The following TBC1D1 variants were observed in gnomAD, a reference collection of about 807,000 sequenced individuals.
TBC1D1 encodes the protein TBC1 domain family member 1.
A neutral mutation model predicts 125.6 loss-of-function variants in TBC1D1; 89 were observed. The observed-to-expected ratio is 0.71, with a 90% CI of 0.60 to 0.85. TBC1D1 has a LOEUF of 0.85. Ranked by LOEUF, TBC1D1 falls within the 40% of genes least tolerant of loss-of-function variation. The pLI, the probability that TBC1D1 is intolerant of heterozygous loss-of-function variation, is 0.00. For missense variants in TBC1D1, 1,377 were observed against 1,469.2 expected (o/e 0.94, Z 1.03); for synonymous variants, 565 against 564.1 (o/e 1.00, Z -0.02).
intron 14 of TBC1D1, among the ~76,000 whole-genome samples, chr4:38,101,084 G>A (rs556300416): frequency 1.3e-5 from 2 of 152,300 alleles, no homozygotes; most frequent in South Asian, 4.1e-4. Context: ...TATGGTATGG[G>A]CCAATACACA....
In TBC1D1 at chr4:38,101,822, C is replaced by T. The variant is rs1277396309; in HGVS notation, c.2399-1177C>T. On this transcript the variant is annotated intron_variant, in intron 14 of 19. Coordinates refer to ENST00000261439, the MANE Select transcript of TBC1D1 (RefSeq NM_015173.4). ...ACAATAACCCTTCCAGCCTTCTTGC[C>T]AGCTGCTCTCTTCCACATGCACCCT... 3.9e-5 allele frequency among the ~76,000 whole-genome samples: 6 copies of T among 152,282 alleles called. 1 individual carries two copies. The highest frequency in any genetic ancestry group is 1.4e-4 in the African/African-American group (6 of 41,556).
intron 6 of TBC1D1, among the ~76,000 whole-genome samples, chr4:38,026,026 T>C (rs1339484628): frequency 6.6e-6 from 1 of 151,932 alleles, no homozygotes; most frequent in East Asian, 1.9e-4. Flanking sequence ...CTGATGACCT[T>C]GGACAAAATA....
rs1234086858 is a variant in TBC1D1 at position 38,049,821 on chromosome 4, C to T, written c.1833C>T (p.Ala611=). 4 of 1,613,986 alleles carry T rather than the reference C, an allele frequency of 2.5e-6. No homozygotes were observed. Among genetic ancestry groups the T allele is most frequent in the Non-Finnish European group, 3.4e-6 (4 of 1,180,034 alleles). The change falls in exon 11 of 20, where the codon GCC becomes GCT. Residue 611 remains alanine, a synonymous_variant. Transcript: ENST00000261439. ...AATGCCAGGAACCTCCACAACCTGC[C>T]CGGGGGTCCCCGGGGGTTTCGCAAA... is the stretch of plus-strand genomic sequence containing the variant.
chr4:38,110,937 A>C (rs1257210799), intron 15 of TBC1D1, among the ~76,000 whole-genome samples: 1 of 152,228 alleles, frequency 6.6e-6, no homozygotes, highest in Non-Finnish European at 1.5e-5. Flanking sequence ...TCAATCTAGA[A>C]TCTGTTCACA....
Position 38,002,272 on chromosome 4 carries a change from GAAA to G in TBC1D1, c.418-12233_418-12231del, listed in dbSNP as rs574869539. 1.4e-4 allele frequency among the ~76,000 whole-genome samples: 22 copies of G among 152,212 alleles called. No homozygotes were observed. In the East Asian group the frequency reaches 4.2e-3, roughly 29 times the overall value. ...TTAAACTACATTCTCTGTAGGCTTT[GAAA>G]AAATATACTAAGCAGTTCCCATCCA... On this transcript the variant is annotated intron_variant, in intron 2 of 19. Coordinates refer to ENST00000261439, the MANE Select transcript of TBC1D1 (RefSeq NM_015173.4).
intron 2 of TBC1D1, among the ~76,000 whole-genome samples, chr4:37,984,934 C>G (rs1009218416): frequency 2.0e-5 from 3 of 151,738 alleles, no homozygotes; most frequent in Admixed American, 6.6e-5. Context: ...ATAGGAAGAC[C>G]TTTATTTGGT....
chr4:37,936,486 A>G (rs564209398), intron 2 of TBC1D1, among the ~76,000 whole-genome samples: 1 of 152,136 alleles, frequency 6.6e-6, no homozygotes, highest in African/African-American at 2.4e-5. Context: ...CTGTATCTCC[A>G]CCTCCTAGCA....
At chr4:37,944,662 C>T (rs1726285976) in intron 2 of TBC1D1, among the ~76,000 whole-genome samples, 2 of 152,164 alleles carry the variant, frequency 1.3e-5, no homozygotes, top group Admixed American at 1.3e-4. Context: ...TCCTGGTGTG[C>T]CGTTTGCTAA....
chr4:38,131,823 T>C (rs1254054017), intron 18 of TBC1D1, among the ~76,000 whole-genome samples: 1 of 152,212 alleles, frequency 6.6e-6, no homozygotes, highest in Non-Finnish European at 1.5e-5. Context: ...CTCTCCCTCT[T>C]ACTCCCCTCG....
chr4:37,941,364 GTGATATCCCCTCTATCAT>G (rs775495099), intron 2 of TBC1D1, among the ~76,000 whole-genome samples: 75 of 152,212 alleles, frequency 4.9e-4, no homozygotes, highest in Non-Finnish European at 9.1e-4. Flanking sequence ...GGGATCGGTG[GTGATATCCCCTCTATCAT>G]TTTTTATTGC....
intron 12 of TBC1D1, 40 bp downstream of exon 14, chr4:38,054,378 G>A (rs1464878047): frequency 1.2e-6 from 2 of 1,610,778 alleles, no homozygotes; most frequent in Non-Finnish European, 1.7e-6. Context: ...AAGAGAGCAC[G>A]CTGACAGAGG....
intron 9 of TBC1D1, among the ~76,000 whole-genome samples, chr4:38,044,726 G>T (rs1749070243): frequency 6.6e-6 from 1 of 151,386 alleles, no homozygotes; most frequent in African/African-American, 2.4e-5. Context: ...GGATTTTTTT[G>T]CCGCTCCAAA....
intron 15 of TBC1D1, among the ~76,000 whole-genome samples, chr4:38,114,404 A>C (rs1327934039): frequency 6.6e-6 from 1 of 152,210 alleles, no homozygotes; most frequent in African/African-American, 2.4e-5. Flanking sequence ...GACTGATGAA[A>C]TTCTTTTTCA....
Position 38,014,385 on chromosome 4 carries a change from G to T in TBC1D1, c.418-124G>T, listed in dbSNP as rs1742166142. On this transcript the variant is annotated intron_variant, in intron 2 of 19. Transcript: ENST00000261439. This position sits in a 1 kb window ranked among gnomAD's most constrained non-coding sequence, Gnocchi z 5.1. ...CTCCCGTGGGCTCCTCCTCCAGTGG[G>T]CTCCTCCTCCAGTGCTCCGCAGTGG... 4 of 886,208 alleles carry T rather than the reference G, an allele frequency of 4.5e-6. No individual in the cohort carries two copies. The highest frequency in any genetic ancestry group is 7.0e-6 in the Non-Finnish European group (4 of 575,416). The allele number at this position is 886,208 out of a possible 1,614,324, so 54.9% of individuals were successfully genotyped here. A position where few individuals can be genotyped will look rare whatever the true frequency, so the allele number is the denominator to read the frequency against.
At chr4:38,059,478 G>T (rs1752368064) in intron 12 of TBC1D1, among the ~76,000 whole-genome samples, 1 of 152,224 alleles carries the variant, frequency 6.6e-6, no homozygotes, top group Non-Finnish European at 1.5e-5. Context: ...CCTGAAAGCT[G>T]CCTGTTTAAA....
intron 12 of TBC1D1, among the ~76,000 whole-genome samples, chr4:38,063,980 C>T (rs1340288575): frequency 6.6e-6 from 1 of 152,200 alleles, no homozygotes; most frequent in Non-Finnish European, 1.5e-5. Flanking sequence ...GTAGTTGTCA[C>T]TTGCCAATCT....
chr4:37,922,779 T>C (rs1721284084), intron 2 of TBC1D1, among the ~76,000 whole-genome samples: 1 of 152,192 alleles, frequency 6.6e-6, no homozygotes, highest in Non-Finnish European at 1.5e-5. Context: ...CTAATTAGCC[T>C]ATTCTGCTGC....
At chr4:37,948,874 G>A (rs981332935) in intron 2 of TBC1D1, among the ~76,000 whole-genome samples, 2 of 152,150 alleles carry the variant, frequency 1.3e-5, no homozygotes, top group Admixed American at 1.3e-4. Flanking sequence ...CATGTAATAT[G>A]TGGTCTCTTC....
In TBC1D1 at chr4:38,094,810, A is replaced by G. The variant is rs16994219; in HGVS notation, c.2237-1119A>G. On this transcript the variant is annotated intron_variant, in intron 13 of 19. Coordinates refer to ENST00000261439, the MANE Select transcript of TBC1D1 (RefSeq NM_015173.4). ...TTGCAGTGCAGCAAGGCTAGCCCCAAACCTGATTTGCTGCAAGGATTAGCT... is the reference window on the plus strand; with the variant it reads ...TTGCAGTGCAGCAAGGCTAGCCCCAGACCTGATTTGCTGCAAGGATTAGCT... Among the ~76,000 whole-genome samples the G allele has an allele frequency of 8.5e-3, 1,294 of 151,740 alleles. 22 individuals carry two copies. Among genetic ancestry groups the G allele is most frequent in the African/African-American group, 0.03 (1,232 of 41,302 alleles).
Sources: allele counts gnomAD v4.1 joint callset (sites outside exome capture counted in the v4.1 genomes callset), GRCh38; gene constraint gnomAD v4.1.1; non-coding constraint Gnocchi (gnomAD v3.1); transcripts MANE v1.5; gene names NCBI Gene and HGNC (gene_info 2026-07-23, HGNC 2026-07-21).